Variants in TANC1 observed in about 807,000 individuals in gnomAD.
TANC1 encodes protein TANC1.
In TANC1, 77 loss-of-function variants were observed where a neutral mutation model predicts 149.7. That is an observed-to-expected ratio of 0.51 (90% CI 0.43 to 0.62). The LOEUF (loss-of-function observed/expected upper bound fraction) is 0.62, where lower values mean the gene tolerates loss of function less well. Ranked by LOEUF, TANC1 falls within the 20% of genes least tolerant of loss-of-function variation. The pLI is 0.00. For synonymous variants in TANC1, 854 were observed against 925.0 expected (o/e 0.92, Z 1.39); for missense variants, 1,985 against 2,321.8 (o/e 0.85, Z 2.98).
chr2:159,145,461 C>G (rs2051957926), intron 5 of TANC1, among the ~76,000 whole-genome samples: 1 of 152,186 alleles, frequency 6.6e-6, no homozygotes, highest in Non-Finnish European at 1.5e-5. Context: ...ACTTCCCTCA[C>G]TAAGAAAGTG....
chr2:159,063,832 C>T (rs980929944), intron 2 of TANC1, among the ~76,000 whole-genome samples: 3 of 152,114 alleles, frequency 2.0e-5, no homozygotes, highest in Non-Finnish European at 4.4e-5. Flanking sequence ...GTCACCTAGT[C>T]CTTGCCCCGT....
intron 3 of TANC1, among the ~76,000 whole-genome samples, chr2:159,096,761 G>C (rs1024157906): frequency 6.6e-6 from 1 of 152,170 alleles, no homozygotes; most frequent in African/African-American, 2.4e-5. Context: ...AGGTGACCGG[G>C]ATGAGTCAGG....
At chr2:158,981,093 G>A (rs552356290) in intron 1 of TANC1, among the ~76,000 whole-genome samples, 3 of 152,086 alleles carry the variant, frequency 2.0e-5, no homozygotes, top group East Asian at 3.9e-4. Context: ...GCAAAAATAG[G>A]TCCTAGACTA....
intron 12 of TANC1, 123 bp downstream of exon 12, chr2:159,175,307 C>T (rs1040523524): frequency 3.4e-5 from 25 of 741,786 alleles, no homozygotes; most frequent in East Asian, 5.4e-5. Context: ...GAGAGGATGT[C>T]GAAGCCTCCG....
intron 3 of TANC1, among the ~76,000 whole-genome samples, chr2:159,081,510 T>C (rs1273949657): frequency 6.6e-6 from 1 of 152,012 alleles, no homozygotes; most frequent in African/African-American, 2.4e-5. Context: ...CTACCCTCTG[T>C]GTGCATGTCA....
chr2:159,088,927 TTC>T (rs2045242441), intron 3 of TANC1, among the ~76,000 whole-genome samples: 1 of 152,210 alleles, frequency 6.6e-6, no homozygotes, highest in African/African-American at 2.4e-5. Context: ...CAAGCAGATG[TTC>T]TCTTTCCTTT....
In TANC1 at chr2:159,086,836, A is replaced by G. The variant is rs535871791; in HGVS notation, c.62-10801A>G. 7.9e-5 allele frequency among the ~76,000 whole-genome samples: 12 copies of G among 152,212 alleles called. No homozygotes were observed. In the South Asian group the frequency reaches 1.2e-3, roughly 16 times the overall value. On this transcript the variant is annotated intron_variant, in intron 3 of 26. Coordinates refer to ENST00000263635, the MANE Select transcript of TANC1 (RefSeq NM_033394.3). Reference sequence around the variant, plus strand: ...CATGTATCTTACTTATTTTTCCATTATAAAAGATTGTGTATACTAGCTTAA... The same window carrying G: ...CATGTATCTTACTTATTTTTCCATTGTAAAAGATTGTGTATACTAGCTTAA...
At chr2:159,029,218 A>G (rs1214167887) in intron 2 of TANC1, among the ~76,000 whole-genome samples, 1 of 152,224 alleles carries the variant, frequency 6.6e-6, no homozygotes, top group Non-Finnish European at 1.5e-5. Flanking sequence ...ATGTGTATAT[A>G]TCACATTTTG....
At chr2:159,058,461 A>C (rs966390406) in intron 2 of TANC1, among the ~76,000 whole-genome samples, 8 of 76,288 alleles carry the variant, frequency 1.0e-4, no homozygotes, top group African/African-American at 3.6e-4. Context: ...TCATTTAAAG[A>C]CTTTTTTTTT....
chr2:159,086,275 C>T (rs1481059968), intron 3 of TANC1, among the ~76,000 whole-genome samples: 1 of 151,644 alleles, frequency 6.6e-6, no homozygotes, highest in Non-Finnish European at 1.5e-5. Context: ...TTGCAGATAG[C>T]TGGGGCAGTG....
intron 1 of TANC1, among the ~76,000 whole-genome samples, chr2:158,997,708 T>C (rs1406190936): frequency 6.6e-6 from 1 of 152,176 alleles, no homozygotes; most frequent in African/African-American, 2.4e-5. Flanking sequence ...ATAAATAATA[T>C]GATGTACTGC....
chr2:159,200,789 T>C (rs1302138133), intron 19 of TANC1, among the ~76,000 whole-genome samples: 2 of 152,204 alleles, frequency 1.3e-5, no homozygotes, highest in African/African-American at 2.4e-5. Flanking sequence ...CGTCAGAGAC[T>C]CCACTGGGGA....
At chr2:159,142,437 A>G (rs555687327) in intron 5 of TANC1, among the ~76,000 whole-genome samples, 2 of 152,332 alleles carry the variant, frequency 1.3e-5, no homozygotes, top group South Asian at 2.1e-4. Context: ...TTCACTGCCA[A>G]GTGCTGGCTT....
At chr2:159,106,470 C>T (rs372493211) in intron 4 of TANC1, among the ~76,000 whole-genome samples, 33 of 152,250 alleles carry the variant, frequency 2.2e-4, no homozygotes, top group South Asian at 2.1e-3. Flanking sequence ...CTAGGTTCAT[C>T]CAAGTTGTGG....
At position 159,054,525 on chromosome 2, in the gene TANC1, G is replaced by A. The variant is rs146939992; in HGVS notation, c.-15-11371G>A. On this transcript the variant is annotated intron_variant, in intron 2 of 26. Transcript: ENST00000263635. ...GCGTTTTTGATGTCTTATATTCTGG[G>A]CATTAAGTGAAAGATCCATCTGTCA... Among the ~76,000 whole-genome samples the A allele has an allele frequency of 3.6e-3, 542 of 152,212 alleles. 6 individuals are homozygous for A. The highest frequency in any genetic ancestry group is 0.012 in the African/African-American group (499 of 41,532).
intron 4 of TANC1, among the ~76,000 whole-genome samples, chr2:159,099,829 C>T (rs1216524145): frequency 6.6e-6 from 1 of 152,012 alleles, no homozygotes; most frequent in African/African-American, 2.4e-5. Context: ...CTATAAATTC[C>T]CACTTCCCCA....
At chr2:159,197,853 G>T (rs1020330188) in intron 18 of TANC1, among the ~76,000 whole-genome samples, 2 of 152,122 alleles carry the variant, frequency 1.3e-5, no homozygotes, top group African/African-American at 4.8e-5. Flanking sequence ...AAGACTTGGA[G>T]GGTATGTTAG....
chr2:159,157,847 G>C (rs2053596479), intron 7 of TANC1, among the ~76,000 whole-genome samples: 1 of 152,174 alleles, frequency 6.6e-6, no homozygotes, highest in East Asian at 1.9e-4. Flanking sequence ...GTTGTGTGGG[G>C]AGGAAAACAT....
intron 2 of TANC1, among the ~76,000 whole-genome samples, chr2:159,058,142 C>T (rs2041985339): frequency 2.0e-5 from 3 of 152,168 alleles, no homozygotes; most frequent in Admixed American, 6.5e-5. Flanking sequence ...CTTTCTGAAC[C>T]CTTCCTTTTT....
Sources: allele counts gnomAD v4.1 joint callset (sites outside exome capture counted in the v4.1 genomes callset), GRCh38; gene constraint gnomAD v4.1.1; transcripts MANE v1.5; gene names NCBI Gene and HGNC (gene_info 2026-07-23, HGNC 2026-07-21).